GALNTL6: variants seen among roughly 807,000 people sequenced by gnomAD.
The protein encoded by GALNTL6 is polypeptide N-acetylgalactosaminyltransferase-like 6.
In GALNTL6, 46 loss-of-function variants were observed where a neutral mutation model predicts 73.7. The ratio of observed to expected loss-of-function variants is 0.62; its 90% CI spans 0.49 to 0.80. GALNTL6 has a LOEUF of 0.80. Among genes scored for constraint, GALNTL6 ranks in the 30% least tolerant of loss-of-function variants. The probability of loss-of-function intolerance (pLI) is 0.00; values close to 1 mark genes in which losing one functional copy is unlikely to be tolerated. For missense variants in GALNTL6, 604 were observed against 755.0 expected (o/e 0.80, Z 2.34); for synonymous variants, 259 against 263.7 (o/e 0.98, Z 0.17).
chr4:172,051,320 G>A (rs563016242), intron 2 of GALNTL6, among the ~76,000 whole-genome samples: 27 of 152,254 alleles, frequency 1.8e-4, no homozygotes, highest in African/African-American at 6.3e-4. Context: ...TTTTAGCTTT[G>A]CTGTCCACAG....
intron 2 of GALNTL6, among the ~76,000 whole-genome samples, chr4:171,998,098 TGTATGTGGATGACTG>T (rs1404608540): frequency 1.3e-5 from 2 of 152,166 alleles, no homozygotes; most frequent in African/African-American, 4.8e-5. Flanking sequence ...TTTCACATGT[TGTATGTGGATGACTG>T]AACAGAAAAC....
intron 10 of GALNTL6, among the ~76,000 whole-genome samples, chr4:172,977,757 T>C (rs898568279): frequency 3.9e-5 from 6 of 152,100 alleles, no homozygotes; most frequent in Non-Finnish European, 8.8e-5. Context: ...TGGGTGGTCC[T>C]CTGGGTGCAC....
chr4:171,971,479 T>A (rs537632013), intron 2 of GALNTL6, among the ~76,000 whole-genome samples: 1 of 152,194 alleles, frequency 6.6e-6, no homozygotes, highest in Admixed American at 6.5e-5. Context: ...AGATTCCTTA[T>A]GCATTTTCTG....
Position 172,429,185 on chromosome 4 carries a change from TTTATTTTATA to T in GALNTL6, c.553+80506_553+80515del, listed in dbSNP as rs1353062792. ...ATTTTATTTTGTTTTATTATTTTAT[TTTATTTTATA>T]TTATTTTATTTTATTTTATTTTATT... On this transcript the variant is annotated intron_variant, in intron 5 of 12. Coordinates refer to ENST00000506823, the MANE Select transcript of GALNTL6 (RefSeq NM_001034845.3). Among the ~76,000 whole-genome samples the T allele has an allele frequency of 2.3e-3, 316 of 136,186 alleles. 5 individuals carry two copies. Among genetic ancestry groups the T allele is most frequent in the South Asian group, 0.016 (69 of 4,406 alleles). 89.3% of individuals were successfully genotyped at this position (136,186 alleles called of 152,430 possible).
At chr4:172,816,826 G>T (rs2111009242) in intron 7 of GALNTL6, among the ~76,000 whole-genome samples, 1 of 152,208 alleles carries the variant, frequency 6.6e-6, no homozygotes, top group South Asian at 2.1e-4. Flanking sequence ...GAAATATTTT[G>T]GCTGGGCACG....
chr4:171,984,140 A>G (rs1040772708), intron 2 of GALNTL6, among the ~76,000 whole-genome samples: 2 of 152,162 alleles, frequency 1.3e-5, no homozygotes, highest in African/African-American at 4.8e-5. Flanking sequence ...GTTGGATGGC[A>G]GGCCCGTGGG....
chr4:172,376,412 C>T (rs576540424), intron 5 of GALNTL6, among the ~76,000 whole-genome samples: 105 of 152,202 alleles, frequency 6.9e-4, no homozygotes, highest in African/African-American at 2.4e-3. Flanking sequence ...GTCGGCACCC[C>T]GGAGCTGAAT....
chr4:172,635,755 G>A (rs897915986), intron 5 of GALNTL6, among the ~76,000 whole-genome samples: 19 of 152,092 alleles, frequency 1.2e-4, no homozygotes, highest in African/African-American at 4.6e-4. Context: ...TTTTCTTGAT[G>A]TAGACAATAT....
intron 5 of GALNTL6, among the ~76,000 whole-genome samples, chr4:172,723,654 C>A (rs1304076793): frequency 6.6e-6 from 1 of 152,074 alleles, no homozygotes; most frequent in African/African-American, 2.4e-5. Context: ...TCAACTCTTT[C>A]TCTTAAATCC....
intron 5 of GALNTL6, among the ~76,000 whole-genome samples, chr4:172,374,074 C>A (rs531225912): frequency 1.3e-5 from 2 of 152,318 alleles, no homozygotes; most frequent in African/African-American, 4.8e-5. Flanking sequence ...TGGAGCAGTG[C>A]ACCTTCCAGT....
chr4:172,631,630 G>T (rs771271306), intron 5 of GALNTL6, among the ~76,000 whole-genome samples: 2 of 152,162 alleles, frequency 1.3e-5, no homozygotes, highest in Non-Finnish European at 2.9e-5. Context: ...AATCATCAAA[G>T]TAAAATTTCA....
intron 10 of GALNTL6, among the ~76,000 whole-genome samples, chr4:172,953,361 C>T (rs1749553712): frequency 1.3e-5 from 2 of 152,130 alleles, no homozygotes; most frequent in South Asian, 2.1e-4. Context: ...CAGAGGATAT[C>T]GGGGGAAATG....
chr4:172,814,409 T>C (rs1470522920), intron 7 of GALNTL6, among the ~76,000 whole-genome samples: 1 of 152,224 alleles, frequency 6.6e-6, no homozygotes, highest in Non-Finnish European at 1.5e-5. Flanking sequence ...ATATGTATAG[T>C]TTAGTTTGAC....
chr4:172,433,100 A>C, intron 5 of GALNTL6, among the ~76,000 whole-genome samples: 1 of 152,118 alleles, frequency 6.6e-6, no homozygotes, highest in Non-Finnish European at 1.5e-5. Context: ...TTGAGTTATG[A>C]TGTGTGTGTT....
chr4:172,039,883 A>G (rs184254221), intron 2 of GALNTL6, among the ~76,000 whole-genome samples: 2 of 152,252 alleles, frequency 1.3e-5, no homozygotes, highest in East Asian at 1.9e-4. Context: ...TTTCATTAAG[A>G]TGAAGTTAAT....
chr4:172,713,329 G>C (rs1031710694), intron 5 of GALNTL6, among the ~76,000 whole-genome samples: 19 of 151,290 alleles, frequency 1.3e-4, no homozygotes, highest in African/African-American at 4.6e-4. Context: ...GAGGCTGGCA[G>C]GTCCAAAGTC....
intron 2 of GALNTL6, among the ~76,000 whole-genome samples, chr4:171,843,194 C>CGTAGCA (rs1473562715): frequency 6.6e-5 from 10 of 151,926 alleles, no homozygotes; most frequent in Non-Finnish European, 1.5e-4. Flanking sequence ...ATAGAGGCAT[C>CGTAGCA]GTAGCAGGAC....
At chr4:172,524,789 A>G (rs1164187658) in intron 5 of GALNTL6, among the ~76,000 whole-genome samples, 1 of 152,200 alleles carries the variant, frequency 6.6e-6, no homozygotes, top group Non-Finnish European at 1.5e-5. Flanking sequence ...TAAAATTGCA[A>G]TGTGGTTAAA....
At chr4:172,118,895 T>G (rs1443737815) in intron 2 of GALNTL6, among the ~76,000 whole-genome samples, 1 of 152,026 alleles carries the variant, frequency 6.6e-6, no homozygotes, top group African/African-American at 2.4e-5. Context: ...CTTCTAGCTT[T>G]TTTCCAGACT....
Sources: allele counts gnomAD v4.1 joint callset (sites outside exome capture counted in the v4.1 genomes callset), GRCh38; gene constraint gnomAD v4.1.1; transcripts MANE v1.5; gene names NCBI Gene and HGNC (gene_info 2026-07-23, HGNC 2026-07-21).